The following XRCC4 variants were observed in gnomAD, a reference collection of about 807,000 sequenced individuals.
XRCC4 encodes DNA repair protein XRCC4.
In XRCC4, 28 loss-of-function variants were observed where a neutral mutation model predicts 39.1. The ratio of observed to expected loss-of-function variants is 0.72; its 90% confidence interval spans 0.53 to 0.98. The LOEUF (loss-of-function observed/expected upper bound fraction) is 0.98. XRCC4 is among the 50% of genes least tolerant of loss of function. The pLI is 0.00. For missense variants in XRCC4, 350 were observed against 376.4 expected (o/e 0.93, Z 0.58); for synonymous variants, 123 against 126.4 (o/e 0.97, Z 0.18).
chr5:83,305,515 CTTTTA>C (rs1450241452), intron 7 of XRCC4, among the ~76,000 whole-genome samples: 2 of 151,972 alleles, frequency 1.3e-5, no homozygotes, highest in Non-Finnish European at 2.9e-5. Flanking sequence ...GGTAACTGAA[CTTTTA>C]TTATATAGAA....
chr5:83,212,253 T>C (rs1030101990), intron 6 of XRCC4, among the ~76,000 whole-genome samples: 1 of 152,080 alleles, frequency 6.6e-6, no homozygotes, highest in African/African-American at 2.4e-5. Context: ...AATAAGGAGA[T>C]AGAAATTATT....
At chr5:83,332,743 C>T (rs1310801300) in intron 7 of XRCC4, among the ~76,000 whole-genome samples, 1 of 152,118 alleles carries the variant, frequency 6.6e-6, no homozygotes, top group African/African-American at 2.4e-5. Flanking sequence ...AAGTGGCAGA[C>T]TTCAAGGCAT....
chr5:83,158,078 A>T (rs1403551936), intron 3 of XRCC4, among the ~76,000 whole-genome samples: 1 of 152,102 alleles, frequency 6.6e-6, no homozygotes, highest in East Asian at 1.9e-4. Context: ...CACTCCTTAA[A>T]TCTTAATGCT....
chr5:83,362,294 CAAAAAAAA>C, the XRCC4 span, among the ~76,000 whole-genome samples: 1,654 of 73,214 alleles, frequency 0.023, 54 homozygotes, highest in African/African-American at 0.083. Flanking sequence ...GCTATTTAGG[CAAAAAAAA>C]AAAAAAAAAA....
rs113339160 is a variant in XRCC4 at position 83,257,344 on chromosome 5, G to GA, written c.746-1175dup. Among the ~76,000 whole-genome samples the GA allele has an allele frequency of 6.5e-3, 922 of 141,734 alleles. 11 individuals are homozygous for GA. Among genetic ancestry groups the GA allele is most frequent in the African/African-American group, 0.021 (846 of 39,914 alleles). 93.0% of individuals were successfully genotyped at this position (141,734 alleles called of 152,430 possible). On this transcript the variant is annotated intron_variant, in intron 6 of 7. Coordinates refer to ENST00000396027, the MANE Select transcript of XRCC4 (RefSeq NM_003401.5). ...CACAGAACTTAAACAAAATTTACAA[G>GA]AAAAAAAAAAACCCATTAAAAAGTG...
chr5:83,149,431 C>A, intron 3 of XRCC4, among the ~76,000 whole-genome samples: 1 of 151,652 alleles, frequency 6.6e-6, no homozygotes. Context: ...TTGTAATATG[C>A]TATACTTTAA....
intron 7 of XRCC4, among the ~76,000 whole-genome samples, chr5:83,306,222 T>C (rs1292047527): frequency 1.3e-5 from 2 of 151,932 alleles, no homozygotes; most frequent in South Asian, 2.1e-4. Flanking sequence ...TATATATATA[T>C]ACACACACAC....
intron 3 of XRCC4, among the ~76,000 whole-genome samples, chr5:83,143,266 G>A (rs975460190): frequency 2.0e-5 from 3 of 152,038 alleles, no homozygotes; most frequent in Non-Finnish European, 2.9e-5. Flanking sequence ...CTTAGGTATA[G>A]TAAGGTCTAT....
intron 1 of XRCC4, among the ~76,000 whole-genome samples, chr5:83,081,011 A>G (rs567105428): frequency 6.6e-5 from 10 of 152,230 alleles, no homozygotes; most frequent in Non-Finnish European, 5.9e-5. Flanking sequence ...GTGCATTATA[A>G]AAGCTTAGTT....
At chr5:83,256,602 T>C (rs1753548927) in intron 6 of XRCC4, among the ~76,000 whole-genome samples, 1 of 151,680 alleles carries the variant, frequency 6.6e-6, no homozygotes, top group Admixed American at 6.6e-5. Context: ...TCTCTTAGCT[T>C]AACAGCATTG....
At chr5:83,215,587 A>G (rs1350417072) in intron 6 of XRCC4, among the ~76,000 whole-genome samples, 1 of 152,212 alleles carries the variant, frequency 6.6e-6, no homozygotes, top group Non-Finnish European at 1.5e-5. Context: ...ATGTAATATT[A>G]TTATTATAAA....
intron 3 of XRCC4, among the ~76,000 whole-genome samples, chr5:83,146,425 T>C (rs1277617226): frequency 6.6e-6 from 1 of 152,142 alleles, no homozygotes; most frequent in Non-Finnish European, 1.5e-5. Flanking sequence ...CAGTGGCTAT[T>C]TGGTTGTGGG....
At chr5:83,311,100 C>T (rs912666354) in intron 7 of XRCC4, 4 of 220,530 alleles carry the variant, frequency 1.8e-5, no homozygotes, top group African/African-American at 9.2e-5. Context: ...GTAATTTAGC[C>T]ATAAGAAACT....
intron 3 of XRCC4, among the ~76,000 whole-genome samples, chr5:83,160,071 G>A (rs188171397): frequency 1.0e-3 from 153 of 152,086 alleles, no homozygotes; most frequent in Middle Eastern, 6.8e-3. Flanking sequence ...TCAATATGCC[G>A]TGAGTTTAAA....
intron 7 of XRCC4, among the ~76,000 whole-genome samples, chr5:83,298,222 T>C (rs1025167420): frequency 6.7e-6 from 1 of 149,400 alleles, no homozygotes; most frequent in African/African-American, 2.5e-5. Flanking sequence ...AAATGTTCTA[T>C]GTGTGTTGAA....
At chr5:83,259,807 ACT>A (rs1753687170) in intron 7 of XRCC4, among the ~76,000 whole-genome samples, 1 of 151,348 alleles carries the variant, frequency 6.6e-6, no homozygotes, top group African/African-American at 2.5e-5. Context: ...TGGAGTCAAA[ACT>A]CTTGAGACCC....
At chr5:83,274,483 A>G (rs1323019096) in intron 7 of XRCC4, among the ~76,000 whole-genome samples, 1 of 152,208 alleles carries the variant, frequency 6.6e-6, no homozygotes, top group African/African-American at 2.4e-5. Context: ...AGGATAGAAG[A>G]CATGGTGGGG....
At chr5:83,264,742 T>C (rs993403548) in intron 7 of XRCC4, among the ~76,000 whole-genome samples, 1 of 151,962 alleles carries the variant, frequency 6.6e-6, no homozygotes, top group African/African-American at 2.4e-5. Context: ...TTTTTTTTTC[T>C]TCCATTTAGC....
intron 7 of XRCC4, among the ~76,000 whole-genome samples, chr5:83,347,715 C>T (rs565914815): frequency 9.8e-5 from 15 of 152,304 alleles, no homozygotes; most frequent in South Asian, 2.1e-4. Flanking sequence ...CATTTCAAAA[C>T]ATGATCATGC....
Sources: allele counts gnomAD v4.1 joint callset (sites outside exome capture counted in the v4.1 genomes callset), GRCh38; gene constraint gnomAD v4.1.1; transcripts MANE v1.5; gene names NCBI Gene and HGNC (gene_info 2026-07-23, HGNC 2026-07-21).